The following NFATC1 variants were observed in gnomAD, a reference collection of about 807,000 sequenced individuals.
NFATC1 encodes nuclear factor of activated T-cells, cytoplasmic 1.
In NFATC1, 22 loss-of-function variants were observed where a neutral mutation model predicts 76.0. That is an observed-to-expected ratio of 0.29 (90% CI 0.21 to 0.41). The LOEUF is 0.41. NFATC1 is among the 10% of genes least tolerant of loss of function. The probability of loss-of-function intolerance (pLI) is 1.00; values close to 1 mark genes in which losing one functional copy is unlikely to be tolerated. For missense variants in NFATC1, 1,357 were observed against 1,337.7 expected, an observed-to-expected ratio of 1.01 and a Z score of -0.23; for synonymous variants, 704 against 613.1, an observed-to-expected ratio of 1.15 and a Z score of -2.19.
chr18:79,427,393 T>TGGACGGCTGGCCTCTGTGCGGTGGGGG (rs1568947788), intron 2 of NFATC1, among the ~76,000 whole-genome samples: 1 of 69,642 alleles, frequency 1.4e-5, no homozygotes. Context: ...TGCAGTGGGT[T>TGGACGGCTGGCCTCTGTGCGGTGGGGG]GGGGGGAGCT....
intron 1 of NFATC1, among the ~76,000 whole-genome samples, chr18:79,396,651 G>A (rs561833195): frequency 1.3e-5 from 2 of 152,330 alleles, no homozygotes; most frequent in Admixed American, 1.3e-4. Flanking sequence ...GGCGATTTGG[G>A]GACGGGCGAG....
chr18:79,423,258 C>G (rs1019115921), intron 2 of NFATC1, among the ~76,000 whole-genome samples: 1 of 152,222 alleles, frequency 6.6e-6, no homozygotes, highest in African/African-American at 2.4e-5. Context: ...CTCTGCACTC[C>G]GGCCTCACAG....
chr18:79,503,020 G>A (rs770790875), intron 9 of NFATC1, among the ~76,000 whole-genome samples: 26 of 152,214 alleles, frequency 1.7e-4, no homozygotes, highest in Non-Finnish European at 2.6e-4. Flanking sequence ...GCTTGTACAT[G>A]ACTGTCCTTC....
chr18:79,515,679 CT>C (rs754680800), intron 9 of NFATC1: 4 of 152,154 alleles, frequency 2.6e-5, no homozygotes, highest in African/African-American at 7.2e-5. Context: ...CCGTCTCCCC[CT>C]GGAACAGGCA....
At chr18:79,423,611 C>T (rs2086178072) in intron 2 of NFATC1, among the ~76,000 whole-genome samples, 1 of 152,186 alleles carries the variant, frequency 6.6e-6, no homozygotes, top group Admixed American at 6.5e-5. Flanking sequence ...CTGGGACTGC[C>T]TGGGACAAGA....
intron 2 of NFATC1, among the ~76,000 whole-genome samples, chr18:79,427,196 T>A (rs1171032653): frequency 6.6e-6 from 1 of 152,214 alleles, no homozygotes; most frequent in African/African-American, 2.4e-5. Context: ...ACGTTGTCCT[T>A]CACGTAAAGT....
At chr18:79,435,363 T>C (rs1021058557) in intron 3 of NFATC1, among the ~76,000 whole-genome samples, 5 of 151,464 alleles carry the variant, frequency 3.3e-5, no homozygotes, top group African/African-American at 1.2e-4. Context: ...TTTTTTTTTT[T>C]TTTTTGAGAC....
At chr18:79,488,587 C>T (rs1243415322) in intron 9 of NFATC1, among the ~76,000 whole-genome samples, 2 of 152,186 alleles carry the variant, frequency 1.3e-5, no homozygotes, top group Non-Finnish European at 2.9e-5. Context: ...CTGCTGTCCT[C>T]CTTGTCCACC....
At chr18:79,421,409 T>C (rs1007435673) in intron 2 of NFATC1, 6 of 152,370 alleles carry the variant, frequency 3.9e-5, no homozygotes, top group Admixed American at 2.0e-4. Flanking sequence ...CGTGGGGCAG[T>C]AGCGCCTGGA....
intron 6 of NFATC1, among the ~76,000 whole-genome samples, chr18:79,454,334 C>T (rs890244436): frequency 7.2e-5 from 11 of 152,232 alleles, no homozygotes; most frequent in African/African-American, 2.2e-4. Context: ...TCAGCCTCTG[C>T]GTATCAGCCA....
chr18:79,429,509 G>T (rs1052268937), intron 2 of NFATC1, among the ~76,000 whole-genome samples: 8 of 152,146 alleles, frequency 5.3e-5, no homozygotes, highest in African/African-American at 1.9e-4. Context: ...CCGGGGGATG[G>T]GCTGGTCAGA....
chr18:79,522,229 T>G (rs1458365740), intron 9 of NFATC1, among the ~76,000 whole-genome samples: 76 of 35,850 alleles, frequency 2.1e-3, no homozygotes, highest in Non-Finnish European at 2.4e-3. Context: ...TGTGTCTGGG[T>G]GTAGGGGGGG....
chr18:79,507,638 A>G (rs1484261072), intron 9 of NFATC1, among the ~76,000 whole-genome samples: 1 of 152,202 alleles, frequency 6.6e-6, no homozygotes, highest in Non-Finnish European at 1.5e-5. Flanking sequence ...CCAGGGGACA[A>G]ATGTGTGGGT....
intron 7 of NFATC1, among the ~76,000 whole-genome samples, chr18:79,464,138 G>A (rs1306390303): frequency 1.3e-5 from 2 of 152,200 alleles, no homozygotes; most frequent in African/African-American, 4.8e-5. Context: ...CACCCAGATT[G>A]GAGTGCAGTG....
chr18:79,492,397 T>C (rs1449447810), intron 9 of NFATC1, among the ~76,000 whole-genome samples: 1 of 152,116 alleles, frequency 6.6e-6, no homozygotes, highest in Non-Finnish European at 1.5e-5. Context: ...ACCCCATCTC[T>C]ACTAAAAATA....
chr18:79,427,004 G>C (rs2086362563), intron 2 of NFATC1, among the ~76,000 whole-genome samples: 1 of 152,250 alleles, frequency 6.6e-6, no homozygotes, highest in Non-Finnish European at 1.5e-5. Flanking sequence ...AATGGTGGGG[G>C]CTCCATGTCT....
intron 3 of NFATC1, among the ~76,000 whole-genome samples, chr18:79,447,477 G>A (rs531900047): frequency 1.7e-4 from 26 of 152,354 alleles, no homozygotes; most frequent in Non-Finnish European, 3.2e-4. Flanking sequence ...TGAGAAAATC[G>A]ACTCCAAACG....
At chr18:79,396,457 G>A in intron 1 of NFATC1, 106 bp downstream of exon 1, 1 of 701,470 alleles carries the variant, frequency 1.4e-6, no homozygotes, top group Non-Finnish European at 1.9e-6. Flanking sequence ...CCGGGCCAGA[G>A]AACGAGGTCG....
At chr18:79,400,243 C>T in intron 1 of NFATC1, 1 of 1,209,806 alleles carries the variant, frequency 8.3e-7, no homozygotes, top group Non-Finnish European at 1.0e-6. Context: ...TTATGTAAAC[C>T]CGGAAACGCC....
Sources: allele counts gnomAD v4.1 joint callset (sites outside exome capture counted in the v4.1 genomes callset), GRCh38; gene constraint gnomAD v4.1.1; transcripts MANE v1.5; gene names NCBI Gene and HGNC (gene_info 2026-07-23, HGNC 2026-07-21).